SHPK: variants seen among roughly 807,000 people sequenced by gnomAD.
The protein encoded by SHPK is sedoheptulokinase, also known as carbohydrate kinase-like protein.
A neutral mutation model predicts 46.3 loss-of-function variants in SHPK; 51 were observed. The observed-to-expected ratio is 1.10, with a 90% CI of 0.88 to 1.39. SHPK has a LOEUF of 1.39. Ranked by LOEUF, SHPK falls within the 40% of genes most tolerant of loss-of-function variation. The probability of loss-of-function intolerance (pLI) is 0.00; values close to 1 mark genes in which losing one functional copy is unlikely to be tolerated. For missense variants in SHPK, 668 were observed against 641.3 expected, an observed-to-expected ratio of 1.04 and a Z score of -0.45; for synonymous variants, 290 against 273.9, an observed-to-expected ratio of 1.06 and a Z score of -0.58.
intron 2 of SHPK, 87 bp downstream of exon 2, chr17:3,630,118 G>A (rs9913319): frequency 0.33 from 509,967 of 1,539,736 alleles, 90,555 homozygotes; most frequent in Non-Finnish European, 0.37. Flanking sequence ...AGGATAACCC[G>A]ACCCTTCACA....
intron 2 of SHPK, among the ~76,000 whole-genome samples, chr17:3,627,543 G>A (rs1431522340): frequency 1.3e-5 from 2 of 152,030 alleles, no homozygotes; most frequent in African/African-American, 2.4e-5. Context: ...CATTAAAATC[G>A]ACAAGACTGG....
intron 5 of SHPK, chr17:3,619,222 G>A: frequency 1.7e-6 from 1 of 581,422 alleles, no homozygotes; most frequent in Non-Finnish European, 3.1e-6. Flanking sequence ...GCTAAGATGT[G>A]TGTAAGATTT....
intron 5 of SHPK, among the ~76,000 whole-genome samples, chr17:3,615,974 C>G (rs114332722): frequency 0.022 from 3,334 of 151,632 alleles, 141 homozygotes; most frequent in African/African-American, 0.077. Context: ...CTGCCTCAAC[C>G]TCTCAAGTAG....
intron 1 of SHPK, among the ~76,000 whole-genome samples, chr17:3,632,059 C>T (rs1320064079): frequency 6.6e-6 from 1 of 151,726 alleles, no homozygotes; most frequent in African/African-American, 2.4e-5. Flanking sequence ...CAGGTTCATG[C>T]GAGTCTCCTG....
At chr17:3,632,674 C>T (rs2075480072) in intron 1 of SHPK, among the ~76,000 whole-genome samples, 1 of 152,114 alleles carries the variant, frequency 6.6e-6, no homozygotes, top group Non-Finnish European at 1.5e-5. Context: ...CTCAGAATAT[C>T]AGTTGGTCTA....
chr17:3,629,160 G>T (rs1264705629), intron 2 of SHPK, among the ~76,000 whole-genome samples: 2 of 152,112 alleles, frequency 1.3e-5, no homozygotes, highest in Non-Finnish European at 2.9e-5. Context: ...GCTGAAATAT[G>T]ACCCTGAGCA....
intron 6 of SHPK, among the ~76,000 whole-genome samples, chr17:3,614,341 G>A (rs1371494657): frequency 1.3e-5 from 2 of 151,436 alleles, no homozygotes; most frequent in African/African-American, 2.4e-5. Context: ...TGGCTAACAC[G>A]GTGAAACCCC....
At chr17:3,628,357 C>G (rs1422808250) in intron 2 of SHPK, among the ~76,000 whole-genome samples, 2 of 145,042 alleles carry the variant, frequency 1.4e-5, no homozygotes, top group Non-Finnish European at 3.0e-5. Flanking sequence ...AAGTCTTGTT[C>G]TGTCGCCCAG....
In SHPK at chr17:3,608,942, A is replaced by T. The variant is rs2075318462; in HGVS notation, c.*1618T>A. ...AGTCTTGCTCTGTCACCCAGGCTGG[A>T]GTGCAATGGCGCGATCTCAGCTCAC... On this transcript the variant is annotated 3_prime_UTR_variant, in exon 7 of 7. Transcript: ENST00000225519. 1 of 152,294 alleles carries T rather than the reference A, an allele frequency of 6.6e-6. No homozygotes were observed. The highest frequency in any genetic ancestry group is 2.4e-5 in the African/African-American group (1 of 41,448). The allele number at this position is 152,294 out of a possible 1,614,324, so 9.4% of individuals were successfully genotyped here. A position where few individuals can be genotyped will look rare whatever the true frequency, so the allele number is the denominator to read the frequency against.
At position 3,609,100 on chromosome 17, in the gene SHPK, G is replaced by A. The variant is rs989139597; in HGVS notation, c.*1460C>T. 6.6e-6 allele frequency: 1 copy of A among 152,168 alleles called. No homozygotes were observed. The highest frequency in any genetic ancestry group is 2.4e-5 in the African/African-American group (1 of 41,424). The allele number at this position is 152,168 out of a possible 1,614,324, so 9.4% of individuals were successfully genotyped here. On this transcript the variant is annotated 3_prime_UTR_variant, in exon 7 of 7. Transcript: ENST00000225519. ...GGGGTATCCCCATGTTGGTCAGGCT[G>A]GTCTTGAACTCCTGACCTCAGGTGA...
chr17:3,618,865 A>G (rs559468207), intron 5 of SHPK, among the ~76,000 whole-genome samples: 1 of 152,254 alleles, frequency 6.6e-6, no homozygotes, highest in Admixed American at 6.5e-5. Flanking sequence ...TGCTGTGAAC[A>G]TCTGTGTACA....
At chr17:3,625,933 A>G (rs538798888) in intron 2 of SHPK, among the ~76,000 whole-genome samples, 43 of 152,192 alleles carry the variant, frequency 2.8e-4, no homozygotes, top group African/African-American at 7.7e-4. Context: ...GGTGCCTGTA[A>G]TCCCAGCTAC....
chr17:3,636,198 G>A lies in SHPK; in HGVS notation c.22C>T (p.Leu8Phe). MAARPIT[L>F]GIDLGTTSVK... is the part of the protein sequence containing the mutation. Reference sequence around the variant, plus strand: ...GATGTGGTGCCCAGGTCAATGCCGAGGGTGATCGGCCGCGCAGCCATTATC... The same window carrying A: ...GATGTGGTGCCCAGGTCAATGCCGAAGGTGATCGGCCGCGCAGCCATTATC... The change falls in exon 1 of 7, where the codon CTC (leucine) becomes TTC (phenylalanine). Residue 8 changes from leucine to phenylalanine, a missense_variant. Coordinates refer to ENST00000225519, the MANE Select transcript of SHPK (RefSeq NM_013276.4). The A allele has an allele frequency of 1.2e-6, 2 of 1,606,562 alleles. No individual in the cohort carries two copies. Among genetic ancestry groups the A allele is most frequent in the African/African-American group, 1.3e-5 (1 of 74,562 alleles).
At position 3,636,140 on chromosome 17, in the gene SHPK, T is replaced by C. The variant is rs1287891912; in HGVS notation, c.80A>G (p.Asp27Gly). The change falls in exon 1 of 7, where the codon GAC (aspartate) becomes GGC (glycine). Residue 27 changes from aspartate (D) to glycine (G), a missense_variant. By Grantham distance (94) the Asp-to-Gly change is moderately conservative. Coordinates refer to ENST00000225519, the MANE Select transcript of SHPK (RefSeq NM_013276.4). ...VKAALLRAAP[D>G]DPSGFAVLAS... The stretch of plus-strand genomic sequence containing the variant: ...CAGCACTGCGAACCCGGATGGGTCG[T>C]CGGGCGCGGCCCTCAGCAGAGCTGC... 1 of 1,611,756 alleles carries C rather than the reference T, an allele frequency of 6.2e-7. No homozygotes were observed. Among genetic ancestry groups the C allele is most frequent in the Non-Finnish European group, 8.5e-7 (1 of 1,179,004 alleles).
chr17:3,628,291 A>G (rs1185309296), intron 2 of SHPK, among the ~76,000 whole-genome samples: 1 of 148,654 alleles, frequency 6.7e-6, no homozygotes, highest in Non-Finnish European at 1.5e-5. Context: ...TGTTCTCCCT[A>G]TTTTTGTTTG....
rs539223274 is a variant in SHPK, at chr17:3,625,980, T to C, written c.311-1749A>G. Among the ~76,000 whole-genome samples the C allele has an allele frequency of 7.2e-5, 11 of 152,090 alleles. No homozygotes were observed. In the South Asian group the frequency reaches 1.5e-3, roughly 20 times the overall value. On this transcript the variant is annotated intron_variant, in intron 2 of 6. Transcript: ENST00000225519. Reference sequence around the variant, plus strand: ...AGGCAGGAGAATCGCTTGAACCCAGTAGGCGGAGGTTGCAGTGAGCTGAGA... The same window carrying C: ...AGGCAGGAGAATCGCTTGAACCCAGCAGGCGGAGGTTGCAGTGAGCTGAGA...
chr17:3,616,303 C>T (rs775175767), intron 5 of SHPK, among the ~76,000 whole-genome samples: 4 of 152,162 alleles, frequency 2.6e-5, no homozygotes, highest in East Asian at 1.9e-4. Flanking sequence ...ACTCCTATCT[C>T]GGTCACGCTG....
rs1179731660 is a variant in SHPK, at chr17:3,609,096, G to C, written c.*1464C>G. 6.6e-6 allele frequency: 1 copy of C among 152,192 alleles called. No homozygotes were observed. Among genetic ancestry groups the C allele is most frequent in the Non-Finnish European group, 1.5e-5 (1 of 68,054 alleles). The allele number at this position is 152,192 out of a possible 1,614,324, so 9.4% of individuals were successfully genotyped here. A position where few individuals can be genotyped will look rare whatever the true frequency, so the allele number is the denominator to read the frequency against. ...AGACGGGGTATCCCCATGTTGGTCA[G>C]GCTGGTCTTGAACTCCTGACCTCAG... On this transcript the variant is annotated 3_prime_UTR_variant, in exon 7 of 7. Coordinates refer to ENST00000225519, the MANE Select transcript of SHPK (RefSeq NM_013276.4).
At chr17:3,613,900 T>G (rs1411484560) in intron 6 of SHPK, among the ~76,000 whole-genome samples, 2 of 152,010 alleles carry the variant, frequency 1.3e-5, no homozygotes, top group Non-Finnish European at 2.9e-5. Flanking sequence ...ATACTCTTCC[T>G]CCTCTCTGGG....
Sources: allele counts gnomAD v4.1 joint callset (sites outside exome capture counted in the v4.1 genomes callset), GRCh38; gene constraint gnomAD v4.1.1; transcripts MANE v1.5; gene names NCBI Gene and HGNC (gene_info 2026-07-23, HGNC 2026-07-21).